NEGR1: variants seen among roughly 807,000 people sequenced by gnomAD.
NEGR1 encodes IgLON family member 4.
In NEGR1, 10 loss-of-function variants were observed where a neutral mutation model predicts 40.9. That is an observed-to-expected ratio of 0.24 (90% CI 0.15 to 0.42). The LOEUF is 0.42. NEGR1 is among the 10% of genes least tolerant of loss of function. The pLI is 1.00. For missense variants in NEGR1, 352 were observed against 438.9 expected, an observed-to-expected ratio of 0.80 and a Z score of 1.77; for synonymous variants, 185 against 166.8, an observed-to-expected ratio of 1.11 and a Z score of -0.84.
intron 1 of NEGR1, among the ~76,000 whole-genome samples, chr1:72,171,187 G>A (rs1651950293): frequency 6.6e-6 from 1 of 152,124 alleles, no homozygotes; most frequent in Non-Finnish European, 1.5e-5. Flanking sequence ...CTAATTTGAT[G>A]TGGAAGAATC....
rs1553157760 is a variant in NEGR1, at chr1:71,675,126, T to TACATATATATATATACAC, written c.667+22881_667+22882insGTGTATATATATATATGT. 7.7e-5 allele frequency among the ~76,000 whole-genome samples: 6 copies of TACATATATATATATACAC among 77,794 alleles called. 1 individual carries two copies. The highest frequency in any genetic ancestry group is 2.5e-4 in the African/African-American group (6 of 24,276). The allele number at this position is 77,794 out of a possible 152,430, so 51.0% of individuals were successfully genotyped here. ...GCATGTTTATTCATATATATATATA[T>TACATATATATATATACAC]ACACACACACATATGAATTCTTAGA... On this transcript the variant is annotated intron_variant, in intron 4 of 6. Transcript: ENST00000357731.
intron 2 of NEGR1, among the ~76,000 whole-genome samples, chr1:71,845,230 G>T (rs990910062): frequency 6.6e-6 from 1 of 151,714 alleles, no homozygotes; most frequent in African/African-American, 2.4e-5. Flanking sequence ...AATAACTATA[G>T]AATTTTATAT....
At chr1:71,661,473 A>T (rs945321462) in intron 4 of NEGR1, among the ~76,000 whole-genome samples, 1 of 152,086 alleles carries the variant, frequency 6.6e-6, no homozygotes, top group Non-Finnish European at 1.5e-5. Flanking sequence ...CTGCAAATAA[A>T]CTCTAGTAGA....
intron 1 of NEGR1, among the ~76,000 whole-genome samples, chr1:72,041,290 A>T (rs1646951786): frequency 1.3e-5 from 2 of 151,800 alleles, no homozygotes; most frequent in Non-Finnish European, 2.9e-5. Flanking sequence ...TTTTACAGGG[A>T]TTTACAAATT....
chr1:71,924,709 C>T (rs1645756007), intron 2 of NEGR1, among the ~76,000 whole-genome samples: 1 of 152,118 alleles, frequency 6.6e-6, no homozygotes, highest in African/African-American at 2.4e-5. Flanking sequence ...TATTTTTCCT[C>T]AAAATAACAT....
intron 4 of NEGR1, among the ~76,000 whole-genome samples, chr1:71,623,582 T>G (rs1417286522): frequency 6.7e-6 from 1 of 149,916 alleles, no homozygotes; most frequent in Non-Finnish European, 1.5e-5. Context: ...AAAAACATAG[T>G]TTTGGACACT....
chr1:72,024,123 A>C (rs1349082139), intron 1 of NEGR1, among the ~76,000 whole-genome samples: 1 of 152,160 alleles, frequency 6.6e-6, no homozygotes, highest in Non-Finnish European at 1.5e-5. Context: ...CTTAGATTAG[A>C]ATGTTTGATT....
At chr1:71,874,815 T>G (rs1306346566) in intron 2 of NEGR1, among the ~76,000 whole-genome samples, 1 of 152,100 alleles carries the variant, frequency 6.6e-6, no homozygotes, top group Non-Finnish European at 1.5e-5. Flanking sequence ...TGAGGAAACT[T>G]TTCGGTTTCC....
intron 4 of NEGR1, among the ~76,000 whole-genome samples, chr1:71,642,453 G>GAA (rs1244665309): frequency 6.6e-6 from 1 of 151,668 alleles, no homozygotes; most frequent in Non-Finnish European, 1.5e-5. Context: ...GGGGGGGAGA[G>GAA]AAAAAGAGAG....
chr1:71,445,347 A>G (rs774089675), intron 6 of NEGR1, among the ~76,000 whole-genome samples: 15 of 152,106 alleles, frequency 9.9e-5, no homozygotes, highest in Non-Finnish European at 1.9e-4. Context: ...ATTGTCTTAA[A>G]GCAAAGATTG....
chr1:71,410,119 C>A (rs145267873), intron 6 of NEGR1, among the ~76,000 whole-genome samples: 1 of 152,024 alleles, frequency 6.6e-6, no homozygotes, highest in Non-Finnish European at 1.5e-5. Context: ...AAATAGCATA[C>A]GTCTTTTCAC....
intron 6 of NEGR1, among the ~76,000 whole-genome samples, chr1:71,425,595 A>G (rs1297879368): frequency 6.6e-6 from 1 of 152,160 alleles, no homozygotes; most frequent in Non-Finnish European, 1.5e-5. Flanking sequence ...TGTAATCTCC[A>G]TATAGAGTAC....
At chr1:71,913,534 C>T (rs958126249) in intron 2 of NEGR1, among the ~76,000 whole-genome samples, 10 of 152,120 alleles carry the variant, frequency 6.6e-5, no homozygotes, top group African/African-American at 1.9e-4. Flanking sequence ...CCCATGTTCT[C>T]GTTTTTGGAT....
At chr1:71,700,071 GA>G (rs1653634555) in intron 3 of NEGR1, among the ~76,000 whole-genome samples, 1 of 151,854 alleles carries the variant, frequency 6.6e-6, no homozygotes, top group Non-Finnish European at 1.5e-5. Flanking sequence ...AGAAAATTCA[GA>G]AAATTTGACA....
At chr1:71,780,453 G>A (rs1219360347) in intron 2 of NEGR1, among the ~76,000 whole-genome samples, 1 of 152,166 alleles carries the variant, frequency 6.6e-6, no homozygotes. Flanking sequence ...ATCTCCTAGT[G>A]AAACTCTAAT....
chr1:71,698,704 G>A (rs901625769), intron 3 of NEGR1, among the ~76,000 whole-genome samples: 17 of 151,756 alleles, frequency 1.1e-4, no homozygotes, highest in Admixed American at 6.6e-4. Context: ...TATAACTCAC[G>A]CAATAAATCT....
intron 3 of NEGR1, among the ~76,000 whole-genome samples, chr1:71,746,561 CT>C (rs879661988): frequency 4.8e-4 from 70 of 147,174 alleles, no homozygotes; most frequent in South Asian, 1.1e-3. Context: ...GAGAAATCTT[CT>C]TTTTTTTTTT....
At chr1:71,789,635 C>A (rs1028111698) in intron 2 of NEGR1, among the ~76,000 whole-genome samples, 20 of 152,170 alleles carry the variant, frequency 1.3e-4, no homozygotes, top group African/African-American at 4.3e-4. Flanking sequence ...TAAAAAATAT[C>A]ATGTATTTTT....
intron 1 of NEGR1, among the ~76,000 whole-genome samples, chr1:71,938,312 T>G (rs1375385220): frequency 3.3e-5 from 5 of 151,780 alleles, no homozygotes; most frequent in Admixed American, 3.3e-4. Context: ...AGAGAATACA[T>G]GTAGTTTAAA....
Sources: gnomAD v4.1 joint callset for allele counts (sites outside exome capture counted in the v4.1 genomes callset) on GRCh38, gnomAD v4.1.1 for gene constraint, MANE v1.5 for transcripts, NCBI Gene and HGNC (gene_info 2026-07-23, HGNC 2026-07-21) for gene names.